Variants in CNTN5 observed in about 807,000 individuals in gnomAD.
CNTN5 encodes the protein contactin 5, also known as contactin-5.
CNTN5 carries 77 observed loss-of-function variants against 129.1 expected under a neutral mutation model. The ratio of observed to expected loss-of-function variants is 0.60; its 90% CI spans 0.50 to 0.72. CNTN5 has a LOEUF of 0.72. Ranked by LOEUF, CNTN5 falls within the 30% of genes least tolerant of loss-of-function variation. The probability of loss-of-function intolerance (pLI) is 0.00; values close to 1 mark genes in which losing one functional copy is unlikely to be tolerated. For synonymous variants in CNTN5, 509 were observed against 465.6 expected, an observed-to-expected ratio of 1.09 and a Z score of -1.20; for missense variants, 1,478 against 1,328.8, an observed-to-expected ratio of 1.11 and a Z score of -1.75.
intron 13 of CNTN5, among the ~76,000 whole-genome samples, chr11:100,141,443 C>T (rs535396241): frequency 1.3e-5 from 2 of 152,240 alleles, no homozygotes; most frequent in African/African-American, 4.8e-5. Flanking sequence ...ATCCTGAGCA[C>T]AGGGGTGTTC....
intron 9 of CNTN5, among the ~76,000 whole-genome samples, chr11:100,026,247 C>T (rs1256722895): frequency 2.0e-5 from 3 of 151,994 alleles, no homozygotes; most frequent in Non-Finnish European, 4.4e-5. Flanking sequence ...TTCTTCCTGA[C>T]GCCTGGTGAA....
At chr11:100,053,110 T>A (rs1029731335) in intron 9 of CNTN5, among the ~76,000 whole-genome samples, 7 of 151,740 alleles carry the variant, frequency 4.6e-5, no homozygotes, top group African/African-American at 1.7e-4. Flanking sequence ...GATTTCTACA[T>A]ACCTAAATGT....
chr11:100,329,434 T>G lies in CNTN5; in HGVS notation c.2731-11029T>G, dbSNP rs563477402. ...AGAAACCTGAATACTTAAACAGCTGTGCTTAGGGCAAGTTTGCATCCTCCC... is the reference window on the plus strand; with the variant it reads ...AGAAACCTGAATACTTAAACAGCTGGGCTTAGGGCAAGTTTGCATCCTCCC... On this transcript the variant is annotated intron_variant, in intron 21 of 24. Coordinates refer to ENST00000524871, the MANE Select transcript of CNTN5 (RefSeq NM_014361.4). Among the ~76,000 whole-genome samples the G allele has an allele frequency of 2.1e-4, 32 of 152,342 alleles. No homozygotes were observed. In the Middle Eastern group the frequency reaches 0.01, roughly 49 times the overall value.
intron 2 of CNTN5, among the ~76,000 whole-genome samples, chr11:99,512,677 G>A (rs1199512502): frequency 6.6e-6 from 1 of 151,944 alleles, no homozygotes; most frequent in Non-Finnish European, 1.5e-5. Context: ...GCCTGTTACG[G>A]TGATCAGTGA....
intron 2 of CNTN5, among the ~76,000 whole-genome samples, chr11:99,448,764 T>C (rs990056122): frequency 6.7e-6 from 1 of 149,056 alleles, no homozygotes; most frequent in Non-Finnish European, 1.5e-5. Context: ...TATTTTATTT[T>C]ATTTTATTTT....
At chr11:99,257,520 A>G (rs1862428496) in intron 1 of CNTN5, among the ~76,000 whole-genome samples, 1 of 152,146 alleles carries the variant, frequency 6.6e-6, no homozygotes, top group South Asian at 2.1e-4. Context: ...CAGCCAATTT[A>G]AAGAACATTG....
intron 7 of CNTN5, among the ~76,000 whole-genome samples, chr11:99,948,876 A>G (rs1003178328): frequency 2.6e-5 from 4 of 152,170 alleles, no homozygotes; most frequent in African/African-American, 4.8e-5. Flanking sequence ...AATTTGCCAC[A>G]CCTGGAAAAT....
At chr11:99,601,963 C>T (rs116957071) in intron 3 of CNTN5, among the ~76,000 whole-genome samples, 2 of 152,224 alleles carry the variant, frequency 1.3e-5, no homozygotes, top group African/African-American at 4.8e-5. Context: ...AACCATTTTA[C>T]CTATATACTA....
chr11:99,340,620 T>C (rs547737728), intron 2 of CNTN5, among the ~76,000 whole-genome samples: 72 of 152,300 alleles, frequency 4.7e-4, no homozygotes, highest in African/African-American at 1.7e-3. Flanking sequence ...CTAAGAGCTT[T>C]TGCAATGGCG....
intron 4 of CNTN5, among the ~76,000 whole-genome samples, chr11:99,837,241 CTTCT>C (rs1473000700): frequency 6.6e-6 from 1 of 152,162 alleles, no homozygotes; most frequent in African/African-American, 2.4e-5. Context: ...GAAATTACAT[CTTCT>C]TTAATAGTTT....
Position 99,336,767 on chromosome 11 carries a change from G to T in CNTN5, c.-71+11283G>T, listed in dbSNP as rs185094073. On this transcript the variant is annotated intron_variant, in intron 2 of 24. Coordinates refer to ENST00000524871, the MANE Select transcript of CNTN5 (RefSeq NM_014361.4). Reference sequence around the variant, plus strand: ...CGCTTGAACCCAGGAGGCAGAGGTTGCAGTGAGCCTAGACCACGCCATTGC... The same window carrying T: ...CGCTTGAACCCAGGAGGCAGAGGTTTCAGTGAGCCTAGACCACGCCATTGC... Among the ~76,000 whole-genome samples, 1,022 of 151,998 alleles carry T rather than the reference G, an allele frequency of 6.7e-3. 2 individuals are homozygous for T. Among genetic ancestry groups the T allele is most frequent in the Non-Finnish European group, 0.011 (736 of 67,970 alleles).
intron 1 of CNTN5, among the ~76,000 whole-genome samples, chr11:99,035,961 G>A (rs1372080893): frequency 6.6e-6 from 1 of 151,916 alleles, no homozygotes; most frequent in East Asian, 1.9e-4. Context: ...TTTAGGGCAG[G>A]CCTGGTGGTG....
chr11:100,051,727 T>C (rs1942963765), intron 9 of CNTN5, among the ~76,000 whole-genome samples: 1 of 151,794 alleles, frequency 6.6e-6, no homozygotes, highest in Non-Finnish European at 1.5e-5. Context: ...AAACAAGAGA[T>C]AAAATTTAAC....
At position 99,645,103 on chromosome 11, in the gene CNTN5, T is replaced by TA. The variant is rs796095561; in HGVS notation, c.55+88844dup. On this transcript the variant is annotated intron_variant, in intron 3 of 24. Coordinates refer to ENST00000524871, the MANE Select transcript of CNTN5 (RefSeq NM_014361.4). ...ATATGGTGAAACTCCGTCTCTACTT[T>TA]AAAAAAAAAAGCCAGGCGTGATGCT... Among the ~76,000 whole-genome samples, 326 of 144,726 alleles carry TA rather than the reference T, an allele frequency of 2.3e-3. 4 individuals carry two copies. Among genetic ancestry groups the TA allele is most frequent in the Non-Finnish European group, 3.1e-3 (208 of 66,474 alleles). The allele number at this position is 144,726 out of a possible 152,430, so 94.9% of individuals were successfully genotyped here. A position where few individuals can be genotyped will look rare whatever the true frequency, so the allele number is the denominator to read the frequency against.
chr11:99,502,487 T>C (rs112788251), intron 2 of CNTN5, among the ~76,000 whole-genome samples: 6,738 of 152,198 alleles, frequency 0.044, 183 homozygotes, highest in South Asian at 0.084. Context: ...GATGGTTTTA[T>C]AAGGAGCTCT....
intron 2 of CNTN5, among the ~76,000 whole-genome samples, chr11:99,525,769 T>G (rs1565261086): frequency 6.6e-6 from 1 of 152,206 alleles, no homozygotes; most frequent in Non-Finnish European, 1.5e-5. Context: ...GAGCGTGAAT[T>G]TCTACTCAGA....
chr11:99,430,893 T>C (rs1219511620), intron 2 of CNTN5, among the ~76,000 whole-genome samples: 1 of 152,050 alleles, frequency 6.6e-6, no homozygotes, highest in East Asian at 1.9e-4. Context: ...CATTGCTGTT[T>C]CTGGAAGAAA....
intron 3 of CNTN5, among the ~76,000 whole-genome samples, chr11:99,620,229 G>C (rs1950897878): frequency 6.6e-6 from 1 of 152,030 alleles, no homozygotes; most frequent in East Asian, 1.9e-4. Flanking sequence ...CCTCAAGGCT[G>C]AGTATAATTA....
At chr11:100,229,452 G>GT (rs1949446762) in intron 16 of CNTN5, among the ~76,000 whole-genome samples, 1 of 152,122 alleles carries the variant, frequency 6.6e-6, no homozygotes, top group South Asian at 2.1e-4. Flanking sequence ...GAAGACACCA[G>GT]TTTTTACCTG....
Sources: gnomAD v4.1 joint callset for allele counts (sites outside exome capture counted in the v4.1 genomes callset) on GRCh38, gnomAD v4.1.1 for gene constraint, MANE v1.5 for transcripts, NCBI Gene and HGNC (gene_info 2026-07-23, HGNC 2026-07-21) for gene names.